GALNT13: variants seen among roughly 807,000 people sequenced by gnomAD.
GALNT13 encodes polypeptide N-acetylgalactosaminyltransferase 13.
GALNT13 carries 28 observed loss-of-function variants against 64.2 expected under a neutral mutation model. The observed-to-expected ratio is 0.44, with a 90% CI of 0.32 to 0.60. The LOEUF (loss-of-function observed/expected upper bound fraction) is 0.60, where lower values mean the gene tolerates loss of function less well. GALNT13 is among the 20% of genes least tolerant of loss of function. GALNT13 has a pLI of 0.05. For synonymous variants in GALNT13, 214 were observed against 224.6 expected, an observed-to-expected ratio of 0.95 and a Z score of 0.42; for missense variants, 577 against 669.8, an observed-to-expected ratio of 0.86 and a Z score of 1.53.
chr2:153,583,191 C>T, the GALNT13 span, among the ~76,000 whole-genome samples: 1 of 151,900 alleles, frequency 6.6e-6, no homozygotes. Context: ...AGCTGAGATG[C>T]CAGGAATAAA....
chr2:153,589,011 A>C, the GALNT13 span, among the ~76,000 whole-genome samples: 48 of 152,246 alleles, frequency 3.2e-4, no homozygotes, highest in African/African-American at 1.2e-3. Flanking sequence ...TACTAAAAAT[A>C]CAAAATTAGC....
the GALNT13 span, among the ~76,000 whole-genome samples, chr2:153,489,375 AT>A: frequency 6.6e-6 from 1 of 152,234 alleles, no homozygotes; most frequent in African/African-American, 2.4e-5. Flanking sequence ...GTATTTCATT[AT>A]AGTAGCACAA....
chr2:154,327,979 T>A (rs799789), intron 9 of GALNT13, among the ~76,000 whole-genome samples: 1,961 of 152,234 alleles, frequency 0.013, 19 homozygotes, highest in South Asian at 0.04. Flanking sequence ...ACTCTCCTAT[T>A]TTATACACTT....
the GALNT13 span, among the ~76,000 whole-genome samples, chr2:153,459,321 A>T: frequency 4.6e-5 from 7 of 152,152 alleles, no homozygotes; most frequent in African/African-American, 1.4e-4. Context: ...ATTTATATTG[A>T]TTACAAAAGA....
At position 154,445,044 on chromosome 2, in the gene GALNT13, A is replaced by C. The variant is rs77955474; in HGVS notation, c.1531-5367A>C. ...CTTTTCAAACAGTATACTGAGAAAA[A>C]AATGAACTATGCTTTGTTTTCAAGC... is the stretch of plus-strand genomic sequence containing the variant. On this transcript the variant is annotated intron_variant, in intron 12 of 12. Transcript: ENST00000392825. 1.6e-3 allele frequency among the ~76,000 whole-genome samples: 243 copies of C among 152,154 alleles called. 5 individuals carry two copies. The East Asian group carries it at 0.037, about 23-fold the overall frequency.
rs376838127 is a variant in GALNT13, at chr2:153,944,562, T to A, written c.65T>A (p.Val22Asp). The change falls in exon 3 of 13, where the codon GTC becomes GAC. Residue 22 changes from valine to aspartate, a missense_variant. By Grantham distance (152) the Val-to-Asp change is radical. This residue lies in a region of GALNT13 where 341 missense variants were observed against 379.3 expected (regional missense o/e 0.90). Transcript: ENST00000392825. The part of the protein sequence containing the change: ...ATSLMWVLVD[V>D]FLLLYFSECN... ...TCGCTGATGTGGGTTCTTGTTGATG[T>A]CTTCTTACTGCTGTACTTCAGTGAA... is the stretch of plus-strand genomic sequence containing the variant. 1 of 1,613,654 alleles carries A rather than the reference T, an allele frequency of 6.2e-7. No individual in the cohort carries two copies. The highest frequency in any genetic ancestry group is 8.5e-7 in the Non-Finnish European group (1 of 1,179,658).
At chr2:153,535,171 A>T in the GALNT13 span, among the ~76,000 whole-genome samples, 4 of 151,982 alleles carry the variant, frequency 2.6e-5, no homozygotes, top group African/African-American at 9.7e-5. Context: ...GTTAGAAGAA[A>T]CATTTGCCGT....
rs1694543026 is a variant in GALNT13, at chr2:153,982,666, T to A, written c.142+38027T>A. On this transcript the variant is annotated intron_variant, in intron 3 of 12. Transcript: ENST00000392825. ...TTCTAAGATCCACTGTCTGTTTCCT[T>A]TAACAAGCACCGTGATGAGGCTGTA... Among the ~76,000 whole-genome samples the A allele has an allele frequency of 2.0e-5, 3 of 152,062 alleles. No individual in the cohort carries two copies. In the South Asian group the frequency reaches 6.2e-4, roughly 31 times the overall value.
At chr2:153,486,414 C>T in the GALNT13 span, among the ~76,000 whole-genome samples, 1 of 151,882 alleles carries the variant, frequency 6.6e-6, no homozygotes, top group Admixed American at 6.6e-5. Flanking sequence ...AAAATTAAAC[C>T]TCTTCGTCTT....
the GALNT13 span, among the ~76,000 whole-genome samples, chr2:153,595,762 G>C: frequency 6.6e-6 from 1 of 152,042 alleles, no homozygotes; most frequent in Non-Finnish European, 1.5e-5. Flanking sequence ...GTCCTACCAT[G>C]ATTTTGTTTA....
At chr2:153,272,583 G>T in the GALNT13 span, among the ~76,000 whole-genome samples, 1 of 152,192 alleles carries the variant, frequency 6.6e-6, no homozygotes, top group Non-Finnish European at 1.5e-5. Context: ...ACACCAGTTA[G>T]AATGGAGGTC....
chr2:154,195,337 G>T (rs1573853941), intron 4 of GALNT13, among the ~76,000 whole-genome samples: 1 of 152,092 alleles, frequency 6.6e-6, no homozygotes, highest in African/African-American at 2.4e-5. Flanking sequence ...ATTAAAAACA[G>T]TTTTTCATTT....
At chr2:153,613,079 T>G in the GALNT13 span, among the ~76,000 whole-genome samples, 4 of 152,144 alleles carry the variant, frequency 2.6e-5, no homozygotes, top group Non-Finnish European at 5.9e-5. Context: ...ATTATTCATG[T>G]GACTTTTGGT....
At chr2:154,029,371 A>C (rs1698196395) in intron 3 of GALNT13, among the ~76,000 whole-genome samples, 2 of 151,928 alleles carry the variant, frequency 1.3e-5, no homozygotes, top group African/African-American at 2.4e-5. Context: ...TGTCTGAAAA[A>C]CAGTGTAAAA....
chr2:153,571,679 G>A, the GALNT13 span, among the ~76,000 whole-genome samples: 3 of 151,866 alleles, frequency 2.0e-5, no homozygotes, highest in Admixed American at 6.6e-5. Context: ...TTTATCAAAT[G>A]CTCTTTCAGC....
At chr2:154,182,337 T>A (rs1450142825) in intron 4 of GALNT13, among the ~76,000 whole-genome samples, 1 of 152,200 alleles carries the variant, frequency 6.6e-6, no homozygotes, top group African/African-American at 2.4e-5. Context: ...TGCTGTTTTT[T>A]GTGTGCGCAT....
chr2:153,975,478 C>T (rs1284179304), intron 3 of GALNT13, among the ~76,000 whole-genome samples: 1 of 151,990 alleles, frequency 6.6e-6, no homozygotes, highest in African/African-American at 2.4e-5. Flanking sequence ...TTTCATTTGC[C>T]CAAATTGCAA....
the GALNT13 span, among the ~76,000 whole-genome samples, chr2:153,408,587 A>G: frequency 1.3e-5 from 2 of 151,890 alleles, no homozygotes; most frequent in South Asian, 4.2e-4. Flanking sequence ...ATTCTACACG[A>G]TTGTGCCGAT....
chr2:154,142,833 TG>T (rs1307239896), intron 4 of GALNT13, among the ~76,000 whole-genome samples: 1 of 151,816 alleles, frequency 6.6e-6, no homozygotes, highest in Non-Finnish European at 1.5e-5. Context: ...TGTGTGTGTG[TG>T]TGTGTATATA....
Sources: gnomAD v4.1 joint callset for allele counts (sites outside exome capture counted in the v4.1 genomes callset) on GRCh38, gnomAD v4.1.1 for gene constraint, gnomAD v4.1.1 regional missense constraint, MANE v1.5 for transcripts, NCBI Gene and HGNC (gene_info 2026-07-23, HGNC 2026-07-21) for gene names.